The following THRAP3 variants were observed in gnomAD, a reference collection of about 807,000 sequenced individuals.
The protein encoded by THRAP3 is thyroid hormone receptor-associated protein 3.
In THRAP3, 16 loss-of-function variants were observed where a neutral mutation model predicts 101.0. The observed-to-expected ratio is 0.16, with a 90% CI of 0.11 to 0.24. THRAP3 has a LOEUF of 0.24. THRAP3 is among the 10% of genes least tolerant of loss of function. THRAP3 has a pLI of 1.00. For synonymous variants in THRAP3, 407 were observed against 422.6 expected, an observed-to-expected ratio of 0.96 and a Z score of 0.45; for missense variants, 989 against 1,202.7, an observed-to-expected ratio of 0.82 and a Z score of 2.63.
rs142247596 is a variant in THRAP3, at chr1:36,253,558, T to C, written c.-134-5824T>C. Among the ~76,000 whole-genome samples the C allele has an allele frequency of 2.0e-3, 300 of 152,234 alleles. 2 individuals carry two copies. The highest frequency in any genetic ancestry group is 0.013 in the East Asian group (69 of 5,176). On this transcript the variant is annotated intron_variant, in intron 1 of 11. Coordinates refer to ENST00000354618, the MANE Select transcript of THRAP3 (RefSeq NM_005119.4). ...TGTCATTAGTATTATTTTATTACAG[T>C]ATGTGTTTCCCATAGAAGTGCTGTT... is the stretch of plus-strand genomic sequence containing the variant.
chr1:36,252,690 C>T (rs1446700735), intron 1 of THRAP3, among the ~76,000 whole-genome samples: 2 of 151,586 alleles, frequency 1.3e-5, no homozygotes, highest in African/African-American at 4.8e-5. Context: ...GGCAGATCAC[C>T]TGAGGTCAGT....
At chr1:36,220,968 A>ATAT (rs1371401171), upstream of THRAP3, among the ~76,000 whole-genome samples, 5 of 133,016 alleles carry the variant, frequency 3.8e-5, no homozygotes, top group South Asian at 2.3e-4. Context: ...AAAAAAAAAA[A>ATAT]AAAAATATAT....
intron 1 of THRAP3, among the ~76,000 whole-genome samples, chr1:36,227,990 C>T (rs1391484679): frequency 6.6e-6 from 1 of 151,962 alleles, no homozygotes; most frequent in East Asian, 1.9e-4. Context: ...ATTCTCCTGC[C>T]TCAGCCTCCC....
chr1:36,297,914 A>G (rs1645973415), intron 9 of THRAP3, among the ~76,000 whole-genome samples: 1 of 150,936 alleles, frequency 6.6e-6, no homozygotes, highest in South Asian at 2.1e-4. Context: ...TGGGAGGCCG[A>G]GGCAGGAAGA....
intron 1 of THRAP3, among the ~76,000 whole-genome samples, chr1:36,258,499 G>A (rs549663499): frequency 6.6e-5 from 10 of 151,424 alleles, no homozygotes; most frequent in Admixed American, 2.6e-4. Context: ...TTCTTGAGGC[G>A]AAGTCTCACT....
At chr1:36,224,625 C>A (rs1355533607) in intron 1 of THRAP3, 120 bp downstream of exon 1, 2 of 152,536 alleles carry the variant, frequency 1.3e-5, no homozygotes, top group East Asian at 1.9e-4. Context: ...TGGAGTCGCT[C>A]CCCCCAGCTT....
rs763330875 is a variant in THRAP3, at chr1:36,274,076, TCACA to T, written c.-31-8428_-31-8425del. The stretch of plus-strand genomic sequence containing the variant: ...AAAAAAGACTGTGTGTGTGTGTGTG[TCACA>T]CACACACACACACACACACACACAC... On this transcript the variant is annotated intron_variant, in intron 2 of 11. Coordinates refer to ENST00000354618, the MANE Select transcript of THRAP3 (RefSeq NM_005119.4). 6.5e-3 allele frequency among the ~76,000 whole-genome samples: 292 copies of T among 44,770 alleles called. 1 individual carries two copies. Among genetic ancestry groups the T allele is most frequent in the African/African-American group, 0.012 (259 of 21,170 alleles). 29.4% of individuals were successfully genotyped at this position (44,770 alleles called of 152,430 possible). A position where few individuals can be genotyped will look rare whatever the true frequency, so the allele number is the denominator to read the frequency against.
Position 36,304,878 on chromosome 1 carries a change from T to C in THRAP3, c.*861T>C, listed in dbSNP as rs938265796. 1 of 206,280 alleles carries C rather than the reference T, an allele frequency of 4.8e-6. No homozygotes were observed. The highest frequency in any genetic ancestry group is 9.9e-6 in the Non-Finnish European group (1 of 100,860). The allele number at this position is 206,280 out of a possible 1,614,324, so 12.8% of individuals were successfully genotyped here. ...TCTAAGAAACTTATGAATTCTATTA[T>C]CTTTACAAATATGAGAAAATTTTTT... On this transcript the variant is annotated 3_prime_UTR_variant, in exon 12 of 12. Transcript: ENST00000354618.
At chr1:36,232,805 A>G (rs1018463086) in intron 1 of THRAP3, among the ~76,000 whole-genome samples, 1 of 151,644 alleles carries the variant, frequency 6.6e-6, no homozygotes, top group African/African-American at 2.4e-5. Flanking sequence ...TACTTTCTGG[A>G]GTGATAGAAA....
intron 7 of THRAP3, 31 bp from the exon 8 acceptor site, chr1:36,293,820 A>C: frequency 6.4e-7 from 1 of 1,565,854 alleles, no homozygotes; most frequent in Middle Eastern, 1.7e-4. Context: ...ACACAATGGA[A>C]TACTATATCG....
intron 2 of THRAP3, among the ~76,000 whole-genome samples, chr1:36,266,850 A>ATATT (rs71796650): frequency 0.42 from 59,934 of 144,126 alleles, 14,172 homozygotes; most frequent in South Asian, 0.56. Context: ...TATAATACGA[A>ATATT]TATTTATTTA....
intron 8 of THRAP3, among the ~76,000 whole-genome samples, chr1:36,294,941 C>T (rs1240039638): frequency 2.0e-5 from 3 of 152,002 alleles, no homozygotes; most frequent in Non-Finnish European, 4.4e-5. Context: ...AAACAATAAA[C>T]GGCCGGGCAA....
At chr1:36,240,451 A>G (rs1451677357) in intron 1 of THRAP3, among the ~76,000 whole-genome samples, 4 of 152,206 alleles carry the variant, frequency 2.6e-5, no homozygotes, top group East Asian at 1.9e-4. Flanking sequence ...TCAGCAAGCA[A>G]TCTACTTATC....
chr1:36,301,224 C>T (rs1452758710), intron 10 of THRAP3, 140 bp downstream of exon 10: 2 of 921,806 alleles, frequency 2.2e-6, no homozygotes, highest in African/African-American at 3.4e-5. Flanking sequence ...TTCTCCTTCC[C>T]ACATTTCCTG....
At chr1:36,287,522 A>G in intron 4 of THRAP3, 3 of 985,436 alleles carry the variant, frequency 3.0e-6, no homozygotes, top group Non-Finnish European at 3.6e-6. Context: ...TTCACATTTA[A>G]AATTTGCCTT....
rs1027501447 is a variant in THRAP3 at position 36,273,425 on chromosome 1, C to T, written c.-31-9108C>T. 2.6e-5 allele frequency among the ~76,000 whole-genome samples: 4 copies of T among 152,256 alleles called. No homozygotes were observed. The East Asian group carries it at 5.8e-4, about 22-fold the overall frequency. ...TCAACAAAGTAGAAGGGAATTTCCT[C>T]AATATGATAAAGGGCATCTATGAAA... On this transcript the variant is annotated intron_variant, in intron 2 of 11. Coordinates refer to ENST00000354618, the MANE Select transcript of THRAP3 (RefSeq NM_005119.4).
chr1:36,303,910 A>C lies in THRAP3; in HGVS notation c.2761A>C (p.Lys921Gln). The C allele has an allele frequency of 6.2e-7, 1 of 1,613,734 alleles. No homozygotes were observed. Among genetic ancestry groups the C allele is most frequent in the Non-Finnish European group, 8.5e-7 (1 of 1,179,878 alleles). The change falls in exon 12 of 12, where the codon AAG becomes CAG. Residue 921 changes from lysine (K) to glutamine (Q), a missense_variant. Physicochemically the swap from Lys to Gln is moderately conservative, Grantham distance 53. Transcript: ENST00000354618. ...GTTCCGGAAATCAAGTACCAGCCCC[A>C]AGTGGGCCCATGACAAGTTCAGTGG... ...FMFRKSSTSP[K>Q]WAHDKFSGEE...
Position 36,304,004 on chromosome 1 carries a change from C to T in THRAP3, c.2855C>T (p.Pro952Leu). The T allele has an allele frequency of 1.3e-6, 2 of 1,558,922 alleles. No homozygotes were observed. Among genetic ancestry groups the T allele is most frequent in the Non-Finnish European group, 1.7e-6 (2 of 1,152,812 alleles). ...CGAGAAGAGAAGGACAATATACAGCCCACAACCGAGTAGGGGCCACCCTTG... is the reference window on the plus strand; with the variant it reads ...CGAGAAGAGAAGGACAATATACAGCTCACAACCGAGTAGGGGCCACCCTTG... Reference protein sequence around the residue: ...ENREEKDNIQPTTE With the variant: ...ENREEKDNIQLTTE The change falls in exon 12 of 12, where the codon CCC becomes CTC. Residue 952 changes from proline (P) to leucine (L), a missense_variant. Physicochemically the swap from Pro to Leu is moderately conservative, Grantham distance 98. Coordinates refer to ENST00000354618, the MANE Select transcript of THRAP3 (RefSeq NM_005119.4).
intron 3 of THRAP3, among the ~76,000 whole-genome samples, chr1:36,283,162 A>G (rs997228707): frequency 6.6e-6 from 1 of 152,262 alleles, no homozygotes; most frequent in Non-Finnish European, 1.5e-5. Context: ...AGTAATTTGT[A>G]TACAATGTGC....
Sources: allele counts gnomAD v4.1 joint callset (sites outside exome capture counted in the v4.1 genomes callset), GRCh38; gene constraint gnomAD v4.1.1; transcripts MANE v1.5; gene names NCBI Gene and HGNC (gene_info 2026-07-23, HGNC 2026-07-21).